SNTG2: variants seen among roughly 807,000 people sequenced by gnomAD.
The protein encoded by SNTG2 is gamma-2-syntrophin.
Under a neutral mutation model 70.9 loss-of-function variants are expected in SNTG2, and 74 were observed. The ratio of observed to expected loss-of-function variants is 1.04; its 90% CI spans 0.86 to 1.27. The LOEUF is 1.27. Ranked by LOEUF, SNTG2 falls within the 50% of genes most tolerant of loss-of-function variation. The pLI, the probability that SNTG2 is intolerant of heterozygous loss-of-function variation, is 0.00. For missense variants in SNTG2, 717 were observed against 690.7 expected, an observed-to-expected ratio of 1.04 and a Z score of -0.43; for synonymous variants, 278 against 273.8, an observed-to-expected ratio of 1.02 and a Z score of -0.15.
At chr2:1,298,394 A>G (rs1680312648) in intron 14 of SNTG2, among the ~76,000 whole-genome samples, 1 of 152,166 alleles carries the variant, frequency 6.6e-6, no homozygotes, top group Non-Finnish European at 1.5e-5. Context: ...TTGGCCTCCC[A>G]AAGTGCTGGG....
chr2:964,235 A>G (rs924797030), intron 1 of SNTG2, among the ~76,000 whole-genome samples: 4 of 152,176 alleles, frequency 2.6e-5, no homozygotes, highest in Non-Finnish European at 5.9e-5. Flanking sequence ...CCTTATTAAG[A>G]AGGAGTCTTC....
intron 1 of SNTG2, among the ~76,000 whole-genome samples, chr2:991,539 G>C (rs976879636): frequency 2.0e-5 from 3 of 152,236 alleles, no homozygotes; most frequent in Middle Eastern, 3.4e-3. Flanking sequence ...CCATAATCCT[G>C]TTATAGTTTT....
intron 13 of SNTG2, chr2:1,262,869 C>G (rs760992302): frequency 3.3e-5 from 5 of 152,334 alleles, no homozygotes; most frequent in Non-Finnish European, 7.3e-5. Flanking sequence ...CAGCCGCTGA[C>G]TGACTGTTGA....
intron 1 of SNTG2, among the ~76,000 whole-genome samples, chr2:1,057,309 G>A (rs1377523283): frequency 1.3e-5 from 2 of 152,056 alleles, no homozygotes; most frequent in African/African-American, 4.8e-5. Flanking sequence ...TCTTCTGTAT[G>A]CCTGAAAGGA....
At chr2:953,514 A>G (rs1352544133) in intron 1 of SNTG2, among the ~76,000 whole-genome samples, 1 of 152,168 alleles carries the variant, frequency 6.6e-6, no homozygotes, top group African/African-American at 2.4e-5. Context: ...ACAGATGTGA[A>G]TTGCTGCATG....
At chr2:1,188,064 C>T (rs1273510678) in intron 8 of SNTG2, among the ~76,000 whole-genome samples, 1 of 152,222 alleles carries the variant, frequency 6.6e-6, no homozygotes, top group African/African-American at 2.4e-5. Context: ...GCTTTATAAA[C>T]TAATGCACCA....
At chr2:980,504 CTT>C (rs1239739016) in intron 1 of SNTG2, among the ~76,000 whole-genome samples, 1 of 152,132 alleles carries the variant, frequency 6.6e-6, no homozygotes, top group Non-Finnish European at 1.5e-5. Context: ...ACGTTTTCAT[CTT>C]GTTTCATTTT....
At chr2:1,328,699 A>G (rs936489202) in intron 16 of SNTG2, among the ~76,000 whole-genome samples, 3 of 152,204 alleles carry the variant, frequency 2.0e-5, no homozygotes, top group Non-Finnish European at 4.4e-5. Context: ...AGAAACACAC[A>G]AAATGAGTGC....
chr2:1,137,160 G>T (rs1490320341), intron 4 of SNTG2, among the ~76,000 whole-genome samples: 1 of 152,180 alleles, frequency 6.6e-6, no homozygotes, highest in Admixed American at 6.5e-5. Flanking sequence ...GCCGCCTATT[G>T]CTATGTGTTC....
chr2:1,284,556 T>G (rs1377461258), intron 14 of SNTG2, among the ~76,000 whole-genome samples: 1 of 152,198 alleles, frequency 6.6e-6, no homozygotes, highest in Non-Finnish European at 1.5e-5. Flanking sequence ...ACCATCTACT[T>G]TCCTTTGATG....
intron 8 of SNTG2, among the ~76,000 whole-genome samples, chr2:1,192,317 A>G (rs1672644820): frequency 6.6e-6 from 1 of 152,216 alleles, no homozygotes; most frequent in Non-Finnish European, 1.5e-5. Context: ...AGCGGGTGCC[A>G]AGATCATTAG....
At chr2:1,222,370 C>T (rs1439768696) in intron 9 of SNTG2, among the ~76,000 whole-genome samples, 1 of 152,256 alleles carries the variant, frequency 6.6e-6, no homozygotes, top group Non-Finnish European at 1.5e-5. Context: ...CTGCTTTAAA[C>T]ATTAATTTGA....
At chr2:987,537 C>T (rs1244792642) in intron 1 of SNTG2, among the ~76,000 whole-genome samples, 1 of 151,968 alleles carries the variant, frequency 6.6e-6, no homozygotes, top group Non-Finnish European at 1.5e-5. Context: ...TGCCTGGAGC[C>T]AGGGGACTCC....
At position 1,222,532 on chromosome 2, in the gene SNTG2, G is replaced by T. The variant is rs1312438964; in HGVS notation, c.719+13302G>T. 3.0e-5 allele frequency among the ~76,000 whole-genome samples: 4 copies of T among 135,114 alleles called. 1 individual carries two copies. The highest frequency in any genetic ancestry group is 6.3e-5 in the Non-Finnish European group (4 of 63,278). 88.6% of individuals were successfully genotyped at this position (135,114 alleles called of 152,430 possible). On this transcript the variant is annotated intron_variant, in intron 9 of 16. Coordinates refer to ENST00000308624, the MANE Select transcript of SNTG2 (RefSeq NM_018968.4). ...CGTCTCCCTGTCCTGCCTGCTGCTG[G>T]AGGTGCTGGATCGCTGTAGAGGAAA...
chr2:1,367,468 C>T lies in SNTG2; in HGVS notation c.1614C>T (p.Ser538=). 1 of 1,549,838 alleles carries T rather than the reference C, an allele frequency of 6.5e-7. No homozygotes were observed. Among genetic ancestry groups the T allele is most frequent in the Admixed American group, 2.0e-5 (1 of 50,524 alleles). The change falls in exon 17 of 17, where the codon AGC becomes AGT. Residue 538 remains serine, a synonymous_variant. Coordinates refer to ENST00000308624, the MANE Select transcript of SNTG2 (RefSeq NM_018968.4). ...SQSLARKYMY[S]S ...GTCTTGCCAGAAAATACATGTACAG[C>T]AGCTAAAGGTTGTTTCTGTTGAGTG...
chr2:1,281,352 C>A, intron 14 of SNTG2, among the ~76,000 whole-genome samples: 1 of 97,754 alleles, frequency 1.0e-5, no homozygotes, highest in Non-Finnish European at 1.9e-5. Flanking sequence ...TATGTGTGTG[C>A]TTGTGTATTT....
chr2:1,147,143 C>T (rs1473489402), intron 6 of SNTG2, among the ~76,000 whole-genome samples: 1 of 152,044 alleles, frequency 6.6e-6, no homozygotes, highest in Non-Finnish European at 1.5e-5. Context: ...TAATTATAAC[C>T]TCATTATTGT....
At chr2:1,320,960 T>C (rs1681494045) in intron 16 of SNTG2, among the ~76,000 whole-genome samples, 1 of 152,226 alleles carries the variant, frequency 6.6e-6, no homozygotes, top group Non-Finnish European at 1.5e-5. Context: ...AGGGAAACTT[T>C]AGTTTAGCTT....
chr2:1,307,617 C>T (rs1206706777), intron 14 of SNTG2, among the ~76,000 whole-genome samples: 1 of 152,162 alleles, frequency 6.6e-6, no homozygotes, highest in Non-Finnish European at 1.5e-5. Flanking sequence ...AATGGCTCCG[C>T]TTCTCTTCTA....
Sources: allele counts gnomAD v4.1 joint callset (sites outside exome capture counted in the v4.1 genomes callset), GRCh38; gene constraint gnomAD v4.1.1; transcripts MANE v1.5; gene names NCBI Gene and HGNC (gene_info 2026-07-23, HGNC 2026-07-21).